The following POLR3A variants were observed in gnomAD, a reference collection of about 807,000 sequenced individuals.
The protein encoded by POLR3A is RNA polymerase III subunit A.
POLR3A carries 112 observed loss-of-function variants against 152.8 expected under a neutral mutation model. The observed-to-expected ratio is 0.73, with a 90% CI of 0.63 to 0.86. POLR3A has a LOEUF of 0.86. POLR3A is among the 40% of genes least tolerant of loss of function. The probability of loss-of-function intolerance (pLI) is 0.00; values close to 1 mark genes in which losing one functional copy is unlikely to be tolerated. For missense variants in POLR3A, 1,385 were observed against 1,743.1 expected (o/e 0.79, Z 3.66); for synonymous variants, 615 against 652.1 (o/e 0.94, Z 0.87).
At chr10:78,004,990 AC>A in intron 15 of POLR3A, 102 bp from the exon 16 acceptor site, 2 of 877,012 alleles carry the variant, frequency 2.3e-6, no homozygotes, top group Non-Finnish European at 3.9e-6. Flanking sequence ...CTATATATAA[AC>A]TATGTATGTA....
At position 77,977,170 on chromosome 10, in the gene POLR3A, T is replaced by C. The variant is rs1373244366; in HGVS notation, c.*308A>G. 3.3e-5 allele frequency: 13 copies of C among 390,382 alleles called. No individual in the cohort carries two copies. Among genetic ancestry groups the C allele is most frequent in the South Asian group, 2.6e-4 (12 of 45,548 alleles). The allele number at this position is 390,382 out of a possible 1,614,324, so 24.2% of individuals were successfully genotyped here. A position where few individuals can be genotyped will look rare whatever the true frequency, so the allele number is the denominator to read the frequency against. The stretch of plus-strand genomic sequence containing the variant: ...GTGAGCTGGGATGGACCATGACACC[T>C]GGCTGGGCTTTAAGTCCAGGGAAGC... On this transcript the variant is annotated 3_prime_UTR_variant, in exon 31 of 31. Coordinates refer to ENST00000372371, the MANE Select transcript of POLR3A (RefSeq NM_007055.4).
intron 21 of POLR3A, among the ~76,000 whole-genome samples, chr10:77,988,749 A>G (rs947895182): frequency 6.6e-6 from 1 of 152,164 alleles, no homozygotes; most frequent in African/African-American, 2.4e-5. Flanking sequence ...TTTCCTCTAT[A>G]TATTCAGTAT....
At chr10:78,025,417 G>A (rs1196282441) in intron 3 of POLR3A, among the ~76,000 whole-genome samples, 1 of 152,102 alleles carries the variant, frequency 6.6e-6, no homozygotes, top group East Asian at 1.9e-4. Flanking sequence ...TTAAGAACAC[G>A]TATCTACCAT....
chr10:78,010,657 G>T, intron 11 of POLR3A, 117 bp from the exon 12 acceptor site: 1 of 780,962 alleles, frequency 1.3e-6, no homozygotes, highest in Non-Finnish European at 2.3e-6. Flanking sequence ...AGAAGGACGA[G>T]GCTGAGAAAT....
chr10:77,986,135 C>T lies in POLR3A; in HGVS notation c.2926G>A (p.Val976Ile), dbSNP rs936203460. 3.2e-6 allele frequency: 5 copies of T among 1,577,274 alleles called. No homozygotes were observed. The highest frequency in any genetic ancestry group is 4.4e-6 in the Non-Finnish European group (5 of 1,146,598). The change falls in exon 22 of 31, where the codon GTC becomes ATC. Residue 976 changes from valine to isoleucine, a missense_variant. Val to Ile is a conservative substitution (Grantham distance 29, BLOSUM62 3). Around this residue, in one of 7 missense-constraint regions of POLR3A, gnomAD observed 178 missense variants for 204.6 expected, o/e 0.87. Coordinates refer to ENST00000372371, the MANE Select transcript of POLR3A (RefSeq NM_007055.4). ...CTGGTTTTCTTGATCTTCTCAGAGACCCCCTTAATGAATTTTTTTATTTCC... is the reference window on the plus strand; with the variant it reads ...CTGGTTTTCTTGATCTTCTCAGAGATCCCCTTAATGAATTTTTTTATTTCC... The part of the protein sequence containing the change: ...LQEIKKFIKG[V>I]SEKIKKTRDK...
chr10:78,026,323 C>T, intron 1 of POLR3A, 94 bp from the exon 2 acceptor site: 2 of 1,264,462 alleles, frequency 1.6e-6, no homozygotes, highest in South Asian at 2.5e-5. Flanking sequence ...CCTATCCTTC[C>T]AACTGTCTCC....
intron 19 of POLR3A, among the ~76,000 whole-genome samples, chr10:77,995,180 A>G (rs935363730): frequency 6.6e-6 from 1 of 152,238 alleles, no homozygotes; most frequent in Non-Finnish European, 1.5e-5. Context: ...ATGGAAAGGA[A>G]TAACCGGTAC....
At chr10:77,998,999 T>C (rs1451038518) in intron 19 of POLR3A, among the ~76,000 whole-genome samples, 2 of 152,152 alleles carry the variant, frequency 1.3e-5, no homozygotes, top group African/African-American at 4.8e-5. Flanking sequence ...ACGTCCTTTG[T>C]AGGGACATGG....
At chr10:78,023,448 ACT>A (rs931572683) in intron 5 of POLR3A, among the ~76,000 whole-genome samples, 3 of 151,816 alleles carry the variant, frequency 2.0e-5, no homozygotes, top group African/African-American at 7.3e-5. Context: ...TGACTGAGCA[ACT>A]CTGTCTCTAA....
At chr10:77,985,008 T>C (rs1337744556) in intron 24 of POLR3A, among the ~76,000 whole-genome samples, 162 bp downstream of exon 24, 4 of 152,358 alleles carry the variant, frequency 2.6e-5, no homozygotes, top group Non-Finnish European at 5.9e-5. Flanking sequence ...CTTGAGTGGC[T>C]TTTTTAAAAA....
intron 26 of POLR3A, 106 bp from the exon 27 acceptor site, chr10:77,982,923 C>T (rs1387649523): frequency 3.4e-6 from 3 of 889,536 alleles, no homozygotes; most frequent in Admixed American, 1.8e-5. Flanking sequence ...TTCTAAGCAC[C>T]CCCCACCCGC....
chr10:78,022,079 T>TTTTCTA (rs1299564538), intron 6 of POLR3A, 57 bp from the exon 7 acceptor site: 12 of 1,614,058 alleles, frequency 7.4e-6, no homozygotes, highest in Admixed American at 6.7e-5. Context: ...TTTTCTCACA[T>TTTTCTA]TTTCTTGACC....
intron 5 of POLR3A, among the ~76,000 whole-genome samples, chr10:78,024,021 C>T (rs565235566): frequency 2.2e-4 from 28 of 126,698 alleles, no homozygotes; most frequent in Non-Finnish European, 1.8e-4. Context: ...CAAGGCCAGT[C>T]CACATTAGCC....
At chr10:78,025,224 T>C in intron 3 of POLR3A, 82 bp from the exon 4 acceptor site, 1 of 1,476,218 alleles carries the variant, frequency 6.8e-7, no homozygotes, top group South Asian at 1.1e-5. Context: ...TCGCCCTGTT[T>C]TGTACCCTTA....
At chr10:78,026,316 ATCCT>A (rs775058343) in intron 1 of POLR3A, 87 bp from the exon 2 acceptor site, 83 of 1,369,448 alleles carry the variant, frequency 6.1e-5, no homozygotes, top group Middle Eastern at 3.5e-4. Flanking sequence ...TAACCAACCT[ATCCT>A]TCCAACTGTC....
chr10:78,014,693 G>A (rs930723579), intron 10 of POLR3A, among the ~76,000 whole-genome samples: 10 of 151,724 alleles, frequency 6.6e-5, no homozygotes, highest in Non-Finnish European at 1.3e-4. Context: ...TTGAGCCACC[G>A]CACCTGGCCC....
In POLR3A at chr10:77,975,288, C is replaced by G. The variant is rs886047272; in HGVS notation, c.*2190G>C. 6.6e-5 allele frequency: 10 copies of G among 152,182 alleles called. No individual in the cohort carries two copies. The highest frequency in any genetic ancestry group is 1.3e-4 in the Non-Finnish European group (9 of 68,046). 9.4% of individuals were successfully genotyped at this position (152,182 alleles called of 1,614,324 possible). A position where few individuals can be genotyped will look rare whatever the true frequency, so the allele number is the denominator to read the frequency against. On this transcript the variant is annotated 3_prime_UTR_variant, in exon 31 of 31. Transcript: ENST00000372371. ...GCTGGCATAAAGCCCAAGGCCTGGGCAGGGCAGATGATCAAAGTAGGGAGA... is the reference window on the plus strand; with the variant it reads ...GCTGGCATAAAGCCCAAGGCCTGGGGAGGGCAGATGATCAAAGTAGGGAGA...
In POLR3A at chr10:78,009,499, C is replaced by T. The variant is rs373979076; in HGVS notation, c.1909+38G>A. On this transcript the variant is annotated intron_variant, in intron 14 of 30. Transcript: ENST00000372371. Reference sequence around the variant, plus strand: ...TGACCAGCCACTTGCTTTTCTGTCACGTTCCTCCTTCTCCCCACCCGAGTT... The same window carrying T: ...TGACCAGCCACTTGCTTTTCTGTCATGTTCCTCCTTCTCCCCACCCGAGTT... 1.3e-5 allele frequency: 21 copies of T among 1,613,944 alleles called. No individual in the cohort carries two copies. The African/African-American group carries it at 1.3e-4, about 10-fold the overall frequency.
In POLR3A at chr10:77,980,285, GAGAA is replaced by G. The variant is rs751704308; in HGVS notation, c.3892-16_3892-13del. 5 of 1,613,960 alleles carry G rather than the reference GAGAA, an allele frequency of 3.1e-6. No homozygotes were observed. The East Asian group carries it at 6.7e-5, about 22-fold the overall frequency. Reference sequence around the variant, plus strand: ...CCCAGGACTTCACCCTGCGTCAAGGGAGAAAGAGTCACGGTGGTACTCACACCAA... The same window carrying G: ...CCCAGGACTTCACCCTGCGTCAAGGGAGAGTCACGGTGGTACTCACACCAA... On this transcript the variant is annotated splice_polypyrimidine_tract_variant and intron_variant, in intron 29 of 30. Transcript: ENST00000372371.
Sources: gnomAD v4.1 joint callset for allele counts (sites outside exome capture counted in the v4.1 genomes callset) on GRCh38, gnomAD v4.1.1 for gene constraint, gnomAD v4.1.1 regional missense constraint, MANE v1.5 for transcripts, NCBI Gene and HGNC (gene_info 2026-07-23, HGNC 2026-07-21) for gene names.